Variants in VWDE observed in about 807,000 individuals in gnomAD.
VWDE encodes von Willebrand factor D and EGF domain-containing protein.
Under a neutral mutation model 178.4 loss-of-function variants are expected in VWDE, and 207 were observed. That is an observed-to-expected ratio of 1.16 (90% CI 1.04 to 1.30). The LOEUF is 1.30. Ranked by LOEUF, VWDE falls within the 50% of genes most tolerant of loss-of-function variation. The pLI, the probability that VWDE is intolerant of heterozygous loss-of-function variation, is 0.00. For synonymous variants in VWDE, 738 were observed against 651.4 expected (o/e 1.13, Z -2.02); for missense variants, 2,287 against 1,901.3 (o/e 1.20, Z -3.77).
intron 24 of VWDE, 62 bp downstream of exon 24, chr7:12,340,260 A>C: frequency 1.6e-6 from 2 of 1,281,960 alleles, no homozygotes; most frequent in Non-Finnish European, 2.2e-6. Flanking sequence ...ATGTTTACTC[A>C]GAGCTCTGTT....
intron 18 of VWDE, chr7:12,354,389 A>G (rs1183875073): frequency 2.3e-6 from 1 of 442,310 alleles, no homozygotes. Flanking sequence ...CCTTCTGGAC[A>G]TGAACCACAA....
At chr7:12,339,230 A>G (rs1264752886) in intron 24 of VWDE, among the ~76,000 whole-genome samples, 2 of 152,134 alleles carry the variant, frequency 1.3e-5, no homozygotes, top group Non-Finnish European at 1.5e-5. Context: ...TAATTGAGAG[A>G]TTTCTTCCTT....
chr7:12,369,737 G>A lies in VWDE; in HGVS notation c.2569C>T (p.Leu857Phe). The A allele has an allele frequency of 6.4e-7, 1 of 1,551,480 alleles. No individual in the cohort carries two copies. The highest frequency in any genetic ancestry group is 8.7e-7 in the Non-Finnish European group (1 of 1,146,864). Residue 857 changes from leucine to phenylalanine, a missense_variant, in exon 12 of 29, where the codon CTT becomes TTT. Transcript: ENST00000275358. ...CTCTTTTCACATTCATTTTCTAAAAGGGCCACACCTGCTTCTGCCCAACTA... is the reference window on the plus strand; with the variant it reads ...CTCTTTTCACATTCATTTTCTAAAAAGGCCACACCTGCTTCTGCCCAACTA... ...DLSWAEAGVA[L>F]LENECEKRIV...
At chr7:12,349,331 G>A (rs1244811158) in intron 19 of VWDE, among the ~76,000 whole-genome samples, 3 of 150,264 alleles carry the variant, frequency 2.0e-5, no homozygotes, top group Non-Finnish European at 3.0e-5. Flanking sequence ...TCATCTGGAA[G>A]AAAAAAAGTA....
At chr7:12,385,030 C>T (rs1784030489) in intron 3 of VWDE, among the ~76,000 whole-genome samples, 1 of 152,012 alleles carries the variant, frequency 6.6e-6, no homozygotes, top group Non-Finnish European at 1.5e-5. Flanking sequence ...ATTCATATTT[C>T]CATAGAGTCT....
chr7:12,380,469 A>G lies in VWDE; in HGVS notation c.789+17T>C, dbSNP rs760946692. On this transcript the variant is annotated intron_variant, in intron 5 of 28. Transcript: ENST00000275358. ...AATACATTCATGAAAATAAAATGCA[A>G]CTGTTTTTTAACATACCCTGTCTCC... 1 of 1,538,870 alleles carries G rather than the reference A, an allele frequency of 6.5e-7. No individual in the cohort carries two copies. The highest frequency in any genetic ancestry group is 1.2e-5 in the South Asian group (1 of 82,240).
Position 12,357,505 on chromosome 7 carries a change from G to T in VWDE, c.3285C>A (p.Pro1095=), listed in dbSNP as rs1782322776. 2 of 1,552,000 alleles carry T rather than the reference G, an allele frequency of 1.3e-6. No homozygotes were observed. The highest frequency in any genetic ancestry group is 4.9e-5 in the East Asian group (2 of 40,892). The change falls in exon 17 of 29, where the codon CCC becomes CCA. Residue 1095 remains proline, a synonymous_variant. Transcript: ENST00000275358. The part of the protein sequence containing the change: ...FTWSFLENNQ[P]PVIQALQDKL... ...TGTCTTGCAATGCTTGAATCACTGGGGGCTGGTTGTCTGTAATAGAGAAAA... is the reference window on the plus strand; with the variant it reads ...TGTCTTGCAATGCTTGAATCACTGGTGGCTGGTTGTCTGTAATAGAGAAAA...
chr7:12,331,271 C>A, intron 28 of VWDE, 74 bp from the exon 29 acceptor site: 3 of 1,258,438 alleles, frequency 2.4e-6, no homozygotes, highest in Admixed American at 2.3e-5. Flanking sequence ...TTATTTGTTG[C>A]CTCCTTCCCT....
In VWDE at chr7:12,370,444, G is replaced by T; in HGVS notation, c.1862C>A (p.Ser621Tyr). 1 of 1,543,772 alleles carries T rather than the reference G, an allele frequency of 6.5e-7. No individual in the cohort carries two copies. Residue 621 changes from serine to tyrosine, a missense_variant, in exon 12 of 29, where the codon TCC becomes TAC. Coordinates refer to ENST00000275358, the MANE Select transcript of VWDE (RefSeq NM_001135924.3). ...PVSMTSPGKP[S>Y]YCSCSLDTAA... Reference sequence around the variant, plus strand: ...AGTGTCCAATGAACAGCTACAATAGGATGGCTTTCCAGGTGATGTCATAGA... The same window carrying T: ...AGTGTCCAATGAACAGCTACAATAGTATGGCTTTCCAGGTGATGTCATAGA...
At chr7:12,389,815 A>T (rs1784297341) in intron 2 of VWDE, among the ~76,000 whole-genome samples, 1 of 152,180 alleles carries the variant, frequency 6.6e-6, no homozygotes, top group Non-Finnish European at 1.5e-5. Context: ...AATCGGGGAG[A>T]AGGAAGGTAT....
In VWDE at chr7:12,373,761, G is replaced by A. The variant is rs935161821; in HGVS notation, c.1317-514C>T. Among the ~76,000 whole-genome samples, 100 of 152,170 alleles carry A rather than the reference G, an allele frequency of 6.6e-4. 2 individuals are homozygous for A. The highest frequency in any genetic ancestry group is 2.3e-3 in the African/African-American group (96 of 41,530). On this transcript the variant is annotated intron_variant, in intron 9 of 28. Transcript: ENST00000275358. Reference sequence around the variant, plus strand: ...TTCACTGCCATACCCCCAGTACTTAGAACTTGGCTTTTCACCTAGTTGTTG... The same window carrying A: ...TTCACTGCCATACCCCCAGTACTTAAAACTTGGCTTTTCACCTAGTTGTTG...
At chr7:12,370,963 C>G (rs1349326594) in intron 10 of VWDE, 99 bp from the exon 11 acceptor site, 8 of 900,400 alleles carry the variant, frequency 8.9e-6, no homozygotes, top group Middle Eastern at 6.9e-4. Context: ...AATAGTTATT[C>G]CCTCAATATA....
intron 23 of VWDE, among the ~76,000 whole-genome samples, chr7:12,341,134 A>T (rs1781305765): frequency 6.7e-6 from 1 of 149,170 alleles, no homozygotes; most frequent in Non-Finnish European, 1.5e-5. Flanking sequence ...AGTCTTTTTT[A>T]TAATTTTATA....
At chr7:12,335,579 C>T (rs1243288209) in intron 27 of VWDE, among the ~76,000 whole-genome samples, 1 of 152,100 alleles carries the variant, frequency 6.6e-6, no homozygotes, top group African/African-American at 2.4e-5. Context: ...CCTCAGACTC[C>T]TGAGTAGCTG....
In VWDE at chr7:12,342,064, C is replaced by A. The variant is rs1181232326; in HGVS notation, c.4265G>T (p.Ser1422Ile). ...CKPGWYGPTC[S>I]TALCDPVCLN... The stretch of plus-strand genomic sequence containing the variant: ...GAAAATATTTCCAATTTTACCTGTA[C>A]TACAGGTGGGTCCATACCAGCCAGG... Residue 1422 changes from serine to isoleucine, a missense_variant, in exon 23 of 29, where the codon AGT becomes ATT. Coordinates refer to ENST00000275358, the MANE Select transcript of VWDE (RefSeq NM_001135924.3). The A allele has an allele frequency of 1.3e-6, 2 of 1,549,392 alleles. No individual in the cohort carries two copies. The highest frequency in any genetic ancestry group is 2.7e-5 in the African/African-American group (2 of 72,934).
intron 21 of VWDE, 110 bp downstream of exon 21, chr7:12,344,085 G>C: frequency 1.3e-6 from 1 of 745,376 alleles, no homozygotes; most frequent in Non-Finnish European, 2.1e-6. Flanking sequence ...GCTTTGATAA[G>C]AATATTTTAA....
intron 3 of VWDE, chr7:12,388,924 G>A (rs848019): frequency 0.075 from 52,406 of 702,286 alleles, 2,245 homozygotes; most frequent in African/African-American, 0.14. Flanking sequence ...ATGCTTTCAC[G>A]TGTGGGGGGA....
Position 12,379,513 on chromosome 7 carries a change from T to G in VWDE, c.843A>C (p.Val281=). 4 of 1,550,218 alleles carry G rather than the reference T, an allele frequency of 2.6e-6. No individual in the cohort carries two copies. The South Asian group carries it at 4.8e-5, about 18-fold the overall frequency. Residue 281 remains valine (V), a synonymous_variant, in exon 6 of 29, where the codon GTA becomes GTC. Transcript: ENST00000275358. ...FFLENPHVQS[V]AIESQEFFAG... ...CAAAAAATTCTTGGCTTTCGATGGC[T>G]ACACTTTGTACATGAGGATTCTCCA... is the stretch of plus-strand genomic sequence containing the variant.
In VWDE at chr7:12,367,546, A is replaced by G. The variant is rs532060276; in HGVS notation, c.2762-53T>C. ...ACATATTTTACTTAATTTCAGAAAAAAAAACTAATTATTTCCAAGCCCCAA... is the reference window on the plus strand; with the variant it reads ...ACATATTTTACTTAATTTCAGAAAAGAAAACTAATTATTTCCAAGCCCCAA... On this transcript the variant is annotated intron_variant, in intron 12 of 28. Coordinates refer to ENST00000275358, the MANE Select transcript of VWDE (RefSeq NM_001135924.3). 3.6e-3 allele frequency: 4,890 copies of G among 1,374,310 alleles called. 17 individuals are homozygous for G. The highest frequency in any genetic ancestry group is 4.5e-3 in the Non-Finnish European group (4,708 of 1,037,994). The allele number at this position is 1,374,310 out of a possible 1,614,324, so 85.1% of individuals were successfully genotyped here.
Sources: allele counts gnomAD v4.1 joint callset (sites outside exome capture counted in the v4.1 genomes callset), GRCh38; gene constraint gnomAD v4.1.1; transcripts MANE v1.5; gene names NCBI Gene and HGNC (gene_info 2026-07-23, HGNC 2026-07-21).